The following CSMD2 variants were observed in gnomAD, a reference collection of about 807,000 sequenced individuals.
The protein encoded by CSMD2 is CUB and Sushi multiple domains 2.
A neutral mutation model predicts 398.5 loss-of-function variants in CSMD2; 130 were observed. The observed-to-expected ratio is 0.33, with a 90% CI of 0.28 to 0.38. The LOEUF is 0.38. Among genes scored for constraint, CSMD2 ranks in the 10% least tolerant of loss-of-function variants. CSMD2 has a pLI of 1.00. For missense variants in CSMD2, 3,829 were observed against 4,764.9 expected, an observed-to-expected ratio of 0.80 and a Z score of 5.78; for synonymous variants, 1,828 against 1,908.5, an observed-to-expected ratio of 0.96 and a Z score of 1.10.
rs1457904320 is a variant in CSMD2 at position 33,624,618 on chromosome 1, C to T, written c.5526G>A (p.Glu1842=). ...CAGGGGACAGGATGGTGCCCCTGCGCTCTGTGAGGTTGCCTCCACACGGCA... is the reference window on the plus strand; with the variant it reads ...CAGGGGACAGGATGGTGCCCCTGCGTTCTGTGAGGTTGCCTCCACACGGCA... ...CVVPCGGNLT[E]RRGTILSPGF... is the part of the protein sequence containing the mutation. Residue 1842 remains glutamate, a synonymous_variant, in exon 35 of 71, where the codon GAG becomes GAA. Transcript: ENST00000373381. This position sits in a 1 kb window ranked among gnomAD's most constrained non-coding sequence, Gnocchi z 4.7. 4 of 1,613,800 alleles carry T rather than the reference C, an allele frequency of 2.5e-6. No homozygotes were observed. The highest frequency in any genetic ancestry group is 2.2e-5 in the East Asian group (1 of 44,864).
chr1:34,054,323 A>G (rs1653569754), intron 2 of CSMD2, among the ~76,000 whole-genome samples: 1 of 152,214 alleles, frequency 6.6e-6, no homozygotes, highest in Non-Finnish European at 1.5e-5. Flanking sequence ...CTAGATAATA[A>G]TTAAGACCAG....
intron 25 of CSMD2, among the ~76,000 whole-genome samples, chr1:33,674,815 C>T (rs1174993731): frequency 1.3e-5 from 2 of 152,290 alleles, no homozygotes; most frequent in South Asian, 4.2e-4. Context: ...CACTCAAAAC[C>T]GCTCAACTAC....
chr1:33,771,741 G>A lies in CSMD2; in HGVS notation c.1846+828C>T, dbSNP rs758621685. 5.9e-5 allele frequency among the ~76,000 whole-genome samples: 9 copies of A among 152,146 alleles called. 1 individual carries two copies. Among genetic ancestry groups the A allele is most frequent in the Middle Eastern group, 3.2e-3 (1 of 316 alleles). On this transcript the variant is annotated intron_variant, in intron 13 of 70. Transcript: ENST00000373381. ...ACCCACTGAGCCGGGTGAAGGATCT[G>A]AGGGTCAGGCTGCCTGCCTTTCCCT...
intron 32 of CSMD2, among the ~76,000 whole-genome samples, chr1:33,629,466 G>A (rs1642335165): frequency 6.6e-6 from 1 of 152,104 alleles, no homozygotes; most frequent in Admixed American, 6.5e-5. Context: ...AGATATGTCA[G>A]GAAAACAGAT....
At chr1:33,628,119 A>G (rs1642240015) in intron 32 of CSMD2, among the ~76,000 whole-genome samples, 1 of 152,222 alleles carries the variant, frequency 6.6e-6, no homozygotes, top group Non-Finnish European at 1.5e-5. Flanking sequence ...GCATCTGTGA[A>G]GTCAGAGGAA....
At chr1:33,563,499 T>C (rs1371376032) in intron 53 of CSMD2, among the ~76,000 whole-genome samples, 1 of 152,100 alleles carries the variant, frequency 6.6e-6, no homozygotes, top group African/African-American at 2.4e-5. Context: ...CTCTGCAGAA[T>C]AGAAAGTGAT....
intron 1 of CSMD2, among the ~76,000 whole-genome samples, chr1:34,120,825 G>C (rs1025061979): frequency 1.3e-5 from 2 of 152,134 alleles, no homozygotes; most frequent in South Asian, 2.1e-4. Context: ...GATTACAGGC[G>C]TGAGGCACCA....
intron 5 of CSMD2, among the ~76,000 whole-genome samples, chr1:33,916,601 A>G (rs769144421): frequency 6.6e-6 from 1 of 152,098 alleles, no homozygotes; most frequent in African/African-American, 2.4e-5. Flanking sequence ...GTAGGAAATG[A>G]CCTGGCCAGC....
chr1:33,558,175 C>T (rs932453080), intron 54 of CSMD2, among the ~76,000 whole-genome samples: 5 of 152,180 alleles, frequency 3.3e-5, no homozygotes, highest in African/African-American at 9.7e-5. Context: ...TTGCACAAAT[C>T]GCTATTGCTG....
At chr1:33,542,998 T>C (rs1193903511) in intron 57 of CSMD2, 102 bp from the exon 58 acceptor site, 5 of 922,004 alleles carry the variant, frequency 5.4e-6, no homozygotes, top group Non-Finnish European at 8.1e-6. Context: ...CCTCGGGACC[T>C]CGTGGATAGA....
At chr1:33,774,354 G>T (rs907111486) in intron 12 of CSMD2, among the ~76,000 whole-genome samples, 1 of 152,096 alleles carries the variant, frequency 6.6e-6, no homozygotes, top group African/African-American at 2.4e-5. Flanking sequence ...TCAGGCTCAG[G>T]GATGGGGGAG....
intron 20 of CSMD2, among the ~76,000 whole-genome samples, chr1:33,715,907 C>CTT (rs11287371): frequency 2.7e-5 from 4 of 148,968 alleles, no homozygotes; most frequent in African/African-American, 9.9e-5. Flanking sequence ...AATTTCAAAC[C>CTT]TTTTTTTTTT....
Position 33,716,343 on chromosome 1 carries a change from C to T in CSMD2, c.3160G>A (p.Val1054Ile). ...ATGGAGAAATCAGAGATGAAGCGGA[C>T]CTGGGCAGTGAAGTTGCCATAGAGC... is the stretch of plus-strand genomic sequence containing the variant. ...AGLYGNFTAQ[V>I]RFISDFSMSY... is the part of the protein sequence containing the mutation. Residue 1054 changes from valine to isoleucine, a missense_variant, in exon 20 of 71, where the codon GTC becomes ATC. Val to Ile is a conservative substitution (Grantham distance 29). This residue lies in a region of CSMD2 where 2,001 missense variants were observed against 2,567.1 expected (regional missense o/e 0.78). Coordinates refer to ENST00000373381, the MANE Select transcript of CSMD2 (RefSeq NM_001281956.2). The T allele has an allele frequency of 1.2e-6, 2 of 1,614,158 alleles. No individual in the cohort carries two copies. Among genetic ancestry groups the T allele is most frequent in the Non-Finnish European group, 1.7e-6 (2 of 1,180,034 alleles).
chr1:34,128,706 C>T (rs190272100), intron 1 of CSMD2, among the ~76,000 whole-genome samples: 25 of 152,238 alleles, frequency 1.6e-4, no homozygotes, highest in East Asian at 7.7e-4. Context: ...CCTGGGTCAT[C>T]GGGGAGTGAG....
chr1:33,959,451 G>A (rs1252198715), intron 3 of CSMD2, among the ~76,000 whole-genome samples: 2 of 152,164 alleles, frequency 1.3e-5, no homozygotes, highest in Non-Finnish European at 2.9e-5. Context: ...GTGGGCCTGC[G>A]TGTTCTCGCC....
chr1:33,627,346 A>G (rs1642191658), intron 32 of CSMD2, among the ~76,000 whole-genome samples: 1 of 152,164 alleles, frequency 6.6e-6, no homozygotes. Context: ...GACAGCACCA[A>G]CTGGACCTGC....
intron 25 of CSMD2, among the ~76,000 whole-genome samples, chr1:33,684,995 T>G (rs1425508978): frequency 6.6e-6 from 1 of 152,246 alleles, no homozygotes; most frequent in Non-Finnish European, 1.5e-5. Context: ...AAAATTGATT[T>G]CCCACTTTTT....
At position 33,559,108 on chromosome 1, in the gene CSMD2, T is replaced by C. The variant is rs926976855; in HGVS notation, c.8554+192A>G. Among the ~76,000 whole-genome samples the C allele has an allele frequency of 1.6e-4, 24 of 152,224 alleles. No individual in the cohort carries two copies. Among genetic ancestry groups the C allele is most frequent in the African/African-American group, 5.3e-4 (22 of 41,460 alleles). Reference sequence around the variant, plus strand: ...AGTTTTGCTTTCCTTATATAACCCATGATGATGAAATTTTATGTGGCTCTT... The same window carrying C: ...AGTTTTGCTTTCCTTATATAACCCACGATGATGAAATTTTATGTGGCTCTT... On this transcript the variant is annotated intron_variant, in intron 54 of 70. Coordinates refer to ENST00000373381, the MANE Select transcript of CSMD2 (RefSeq NM_001281956.2). The surrounding 1 kb of genome is among the most constrained non-coding windows in gnomAD (Gnocchi z 4.0).
intron 47 of CSMD2, 118 bp from the exon 48 acceptor site, chr1:33,581,017 AC>A (rs1251429396): frequency 1.1e-6 from 1 of 904,792 alleles, no homozygotes; most frequent in African/African-American, 1.7e-5. Context: ...AATCATTTGT[AC>A]TTGCACTCCT....
Sources: gnomAD v4.1 joint callset for allele counts (sites outside exome capture counted in the v4.1 genomes callset) on GRCh38, gnomAD v4.1.1 for gene constraint, gnomAD v4.1.1 regional missense constraint, Gnocchi (gnomAD v3.1) non-coding constraint, MANE v1.5 for transcripts, NCBI Gene and HGNC (gene_info 2026-07-23, HGNC 2026-07-21) for gene names.